Variants in GSG1L observed in about 807,000 individuals in gnomAD.
The protein encoded by GSG1L is GSG1 like.
A neutral mutation model predicts 42.1 loss-of-function variants in GSG1L; 24 were observed. The ratio of observed to expected loss-of-function variants is 0.57; its 90% CI spans 0.41 to 0.80. The LOEUF (loss-of-function observed/expected upper bound fraction) is 0.80. Among genes scored for constraint, GSG1L ranks in the 30% least tolerant of loss-of-function variants. GSG1L has a pLI of 0.00. For synonymous variants in GSG1L, 215 were observed against 203.5 expected (o/e 1.06, Z -0.48); for missense variants, 445 against 472.2 (o/e 0.94, Z 0.53).
chr16:28,056,732 G>A (rs980459730), intron 1 of GSG1L, among the ~76,000 whole-genome samples: 2 of 152,102 alleles, frequency 1.3e-5, no homozygotes, highest in African/African-American at 4.8e-5. Context: ...AGCTCATCTA[G>A]GCTCTGGGGG....
intron 2 of GSG1L, among the ~76,000 whole-genome samples, chr16:27,918,946 C>T (rs971615627): frequency 5.3e-5 from 8 of 152,116 alleles, no homozygotes; most frequent in Non-Finnish European, 1.2e-4. Flanking sequence ...CATTGCTAAT[C>T]GATCATGGCA....
intron 1 of GSG1L, among the ~76,000 whole-genome samples, chr16:27,993,740 A>G (rs1162554155): frequency 1.3e-5 from 2 of 152,212 alleles, no homozygotes; most frequent in Non-Finnish European, 2.9e-5. Context: ...AAACTTGCAC[A>G]TGGGGGCTTG....
chr16:28,033,977 T>C (rs144440997), intron 1 of GSG1L, among the ~76,000 whole-genome samples: 120 of 152,274 alleles, frequency 7.9e-4, no homozygotes, highest in East Asian at 6.9e-3. Flanking sequence ...ATGTTGGCAA[T>C]ATCTCAGCCC....
intron 3 of GSG1L, among the ~76,000 whole-genome samples, chr16:27,870,519 C>A (rs2083806541): frequency 6.6e-6 from 1 of 151,402 alleles, no homozygotes; most frequent in African/African-American, 2.5e-5. Context: ...CATCATCTTC[C>A]TCTGCCTCCC....
chr16:27,928,795 A>G (rs2141070446), intron 2 of GSG1L, among the ~76,000 whole-genome samples: 1 of 152,360 alleles, frequency 6.6e-6, no homozygotes, highest in South Asian at 2.1e-4. Flanking sequence ...CCAAGAGACC[A>G]GACACCAGCC....
chr16:27,801,268 GTT>G (rs1041508100), intron 6 of GSG1L, among the ~76,000 whole-genome samples: 2 of 152,182 alleles, frequency 1.3e-5, no homozygotes, highest in Non-Finnish European at 2.9e-5. Flanking sequence ...GCCAAGCTGA[GTT>G]TTATTGCCGA....
At chr16:27,859,841 A>ATTT (rs576791634) in intron 3 of GSG1L, among the ~76,000 whole-genome samples, 1,680 of 141,818 alleles carry the variant, frequency 0.012, 31 homozygotes, top group African/African-American at 0.042. Context: ...ATGCCCAGCT[A>ATTT]TTTTTTTTTT....
At chr16:28,011,454 G>A (rs1343953154) in intron 1 of GSG1L, among the ~76,000 whole-genome samples, 1 of 152,242 alleles carries the variant, frequency 6.6e-6, no homozygotes, top group African/African-American at 2.4e-5. Flanking sequence ...GGAGTGTGAG[G>A]ACCGTGATGA....
rs531963077 is a variant in GSG1L at position 27,787,652 on chromosome 16, AC to A, written c.*3717del. 9.5e-4 allele frequency: 145 copies of A among 152,314 alleles called. No individual in the cohort carries two copies. Among genetic ancestry groups the A allele is most frequent in the African/African-American group, 3.2e-3 (132 of 41,564 alleles). 9.4% of individuals were successfully genotyped at this position (152,314 alleles called of 1,614,324 possible). ...GTGAAGTCATAGCACTGATGTGCCC[AC>A]TGTACATTTTTTTCTAATACACATT... is the stretch of plus-strand genomic sequence containing the variant. On this transcript the variant is annotated 3_prime_UTR_variant, in exon 7 of 7. Transcript: ENST00000447459.
intron 3 of GSG1L, among the ~76,000 whole-genome samples, chr16:27,865,425 G>A (rs1475837016): frequency 1.3e-5 from 2 of 151,150 alleles, no homozygotes; most frequent in Non-Finnish European, 2.9e-5. Context: ...GCCCCTGGGG[G>A]ATTCACTGCC....
chr16:27,989,917 T>G (rs2085437166), intron 1 of GSG1L, among the ~76,000 whole-genome samples: 1 of 152,178 alleles, frequency 6.6e-6, no homozygotes, highest in East Asian at 1.9e-4. Context: ...TTCTGATTCT[T>G]TTTCCTAAAA....
intron 1 of GSG1L, among the ~76,000 whole-genome samples, chr16:28,024,363 A>C (rs750279506): frequency 1.5e-4 from 23 of 152,232 alleles, no homozygotes; most frequent in Admixed American, 5.9e-4. Context: ...CCGATTGTAA[A>C]TTAGATAAAC....
At chr16:27,979,741 G>GAA (rs1567543022) in intron 1 of GSG1L, among the ~76,000 whole-genome samples, 2 of 47,884 alleles carry the variant, frequency 4.2e-5, no homozygotes, top group Non-Finnish European at 8.5e-5. Flanking sequence ...GAAAAAGAAA[G>GAA]AAAGAAAGGA....
chr16:27,909,955 C>CT (rs67729209), intron 2 of GSG1L, among the ~76,000 whole-genome samples: 8,321 of 129,926 alleles, frequency 0.064, 415 homozygotes, highest in Non-Finnish European at 0.081. Flanking sequence ...TCTTTTCTTT[C>CT]TTTTTTTTTT....
intron 1 of GSG1L, among the ~76,000 whole-genome samples, chr16:28,057,333 G>A (rs1362620221): frequency 6.6e-6 from 1 of 152,132 alleles, no homozygotes; most frequent in African/African-American, 2.4e-5. Context: ...CGGCTGGCAG[G>A]TTGGACCAAT....
chr16:27,979,040 A>G (rs2085283405), intron 1 of GSG1L, among the ~76,000 whole-genome samples: 1 of 152,106 alleles, frequency 6.6e-6, no homozygotes, highest in African/African-American at 2.4e-5. Flanking sequence ...GTGAGTTCAA[A>G]TCCATCCTCT....
At chr16:27,926,749 T>C (rs536538148) in intron 2 of GSG1L, among the ~76,000 whole-genome samples, 8 of 152,228 alleles carry the variant, frequency 5.3e-5, no homozygotes, top group Admixed American at 3.3e-4. Flanking sequence ...AAGCAACTCA[T>C]TGAAGAAAGT....
chr16:27,798,219 A>G (rs2082842950), intron 6 of GSG1L, among the ~76,000 whole-genome samples: 2 of 152,170 alleles, frequency 1.3e-5, no homozygotes, highest in South Asian at 2.1e-4. Context: ...GCTCATAGAC[A>G]TTATAAAAAT....
intron 2 of GSG1L, among the ~76,000 whole-genome samples, chr16:27,892,041 C>T (rs1050411172): frequency 3.3e-5 from 5 of 151,926 alleles, no homozygotes; most frequent in African/African-American, 4.8e-5. Flanking sequence ...CCAGCCCAGA[C>T]CTGTGGAATC....
Sources: allele counts gnomAD v4.1 joint callset (sites outside exome capture counted in the v4.1 genomes callset), GRCh38; gene constraint gnomAD v4.1.1; transcripts MANE v1.5; gene names NCBI Gene and HGNC (gene_info 2026-07-23, HGNC 2026-07-21).